TSBP1: variants seen among roughly 807,000 people sequenced by gnomAD.
TSBP1 encodes the protein testis expressed basic protein 1.
Under a neutral mutation model 68.8 loss-of-function variants are expected in TSBP1, and 56 were observed. The ratio of observed to expected loss-of-function variants is 0.81; its 90% CI spans 0.66 to 1.02. The LOEUF (loss-of-function observed/expected upper bound fraction) is 1.02. Ranked by LOEUF, TSBP1 falls within the 50% of genes least tolerant of loss-of-function variation. TSBP1 has a pLI of 0.00. For missense variants in TSBP1, 502 were observed against 641.2 expected, an observed-to-expected ratio of 0.78 and a Z score of 2.34; for synonymous variants, 171 against 208.7, an observed-to-expected ratio of 0.82 and a Z score of 1.56.
intron 4 of TSBP1, among the ~76,000 whole-genome samples, chr6:32,367,174 AGGTAGCTCTAGT>A (rs968149691): frequency 5.9e-5 from 9 of 151,696 alleles, no homozygotes; most frequent in African/African-American, 2.2e-4. Context: ...CAAGAATGAG[AGGTAGCTCTAGT>A]GGTTCTTGTT....
intron 22 of TSBP1, among the ~76,000 whole-genome samples, chr6:32,295,129 A>G (rs1286873945): frequency 6.6e-6 from 1 of 152,042 alleles, no homozygotes; most frequent in East Asian, 1.9e-4. Context: ...TGAGGTTGGG[A>G]GTTGGAGACC....
Position 32,323,633 on chromosome 6 carries a change from T to TC in TSBP1, c.515-20dup. ...GGACCAGCTGAAAAACAGAGAGGTA[T>TC]CTTAGCAACTGTTTTTTCTCCCATG... is the stretch of plus-strand genomic sequence containing the variant. On this transcript the variant is annotated intron_variant, in intron 16 of 22. Coordinates refer to ENST00000612031, the Ensembl canonical transcript of TSBP1. The TC allele has an allele frequency of 6.2e-7, 1 of 1,611,268 alleles. No homozygotes were observed. The highest frequency in any genetic ancestry group is 8.5e-7 in the Non-Finnish European group (1 of 1,178,604).
At position 32,343,097 on chromosome 6, in the gene TSBP1, G is replaced by A. The variant is rs1770565876; in HGVS notation, c.350-3459C>T. ...TGATCCAGTTAAGATGGCTAATGAAGGACAAGGTGGAGAATTATGAGTCTT... is the reference window on the plus strand; with the variant it reads ...TGATCCAGTTAAGATGGCTAATGAAAGACAAGGTGGAGAATTATGAGTCTT... On this transcript the variant is annotated intron_variant, in intron 9 of 22. Transcript: ENST00000612031. This position sits in a 1 kb window ranked among gnomAD's most constrained non-coding sequence, Gnocchi z 4.3. 1 of 443,088 alleles carries A rather than the reference G, an allele frequency of 2.3e-6. No individual in the cohort carries two copies. Among genetic ancestry groups the A allele is most frequent in the South Asian group, 1.1e-4 (1 of 9,162 alleles). The allele number at this position is 443,088 out of a possible 1,614,324, so 27.4% of individuals were successfully genotyped here. A position where few individuals can be genotyped will look rare whatever the true frequency, so the allele number is the denominator to read the frequency against.
exon 23 of TSBP1, chr6:32,293,688 C>A: frequency 6.2e-7 from 1 of 1,613,050 alleles, no homozygotes; most frequent in Non-Finnish European, 8.5e-7. Context: ...CTTGGTACAT[C>A]TGACACACTT....
chr6:32,367,720 A>T (rs1773915875), intron 4 of TSBP1, among the ~76,000 whole-genome samples: 1 of 152,166 alleles, frequency 6.6e-6, no homozygotes, highest in Admixed American at 6.5e-5. Flanking sequence ...AATTCTTTTG[A>T]TGGTCTTAAG....
exon 7 of TSBP1, chr6:32,355,655 C>T: frequency 1.3e-6 from 2 of 1,589,034 alleles, no homozygotes; most frequent in Non-Finnish European, 1.7e-6. Context: ...TTACTGTAAT[C>T]TCTTTTGGAT....
Position 32,302,730 on chromosome 6 carries a change from C to A in TSBP1, c.581-101G>T. On this transcript the variant is annotated intron_variant, in intron 19 of 22. Transcript: ENST00000612031. This position sits in a 1 kb window ranked among gnomAD's most constrained non-coding sequence, Gnocchi z 5.1. The stretch of plus-strand genomic sequence containing the variant: ...TCCCTAGTTGTTTTTTCTAGGGTAC[C>A]ATAAAGACTTCTAGCAGAATACAAT... The A allele has an allele frequency of 1.3e-6, 1 of 755,744 alleles. No homozygotes were observed. The highest frequency in any genetic ancestry group is 2.7e-5 in the East Asian group (1 of 37,240). The allele number at this position is 755,744 out of a possible 1,614,324, so 46.8% of individuals were successfully genotyped here.
intron 19 of TSBP1, among the ~76,000 whole-genome samples, chr6:32,311,117 T>G (rs929081270): frequency 6.6e-6 from 1 of 152,130 alleles, no homozygotes; most frequent in Non-Finnish European, 1.5e-5. Flanking sequence ...TCTCCTTCTT[T>G]CTCCCTGCTC....
In TSBP1 at chr6:32,302,351, A is replaced by G. The variant is rs889504590; in HGVS notation, c.601+258T>C. Among the ~76,000 whole-genome samples the G allele has an allele frequency of 8.5e-5, 13 of 152,132 alleles. No homozygotes were observed. Among genetic ancestry groups the G allele is most frequent in the African/African-American group, 3.1e-4 (13 of 41,438 alleles). On this transcript the variant is annotated intron_variant, in intron 20 of 22. Coordinates refer to ENST00000612031, the Ensembl canonical transcript of TSBP1. The surrounding 1 kb of genome is among the most constrained non-coding windows in gnomAD (Gnocchi z 5.1). ...ACATCTGTAGTCCCAGCTACTCAGG[A>G]GGCTGAGGCAGGAGAATTGCTTGAG...
chr6:32,368,749 A>C, intron 3 of TSBP1, 33 bp downstream of exon 3: 3 of 1,543,914 alleles, frequency 1.9e-6, no homozygotes, highest in African/African-American at 1.3e-5. Flanking sequence ...TATAAGTACT[A>C]TATTTATTTT....
chr6:32,370,854 A>AG, intron 1 of TSBP1, among the ~76,000 whole-genome samples: 1 of 69,008 alleles, frequency 1.4e-5, no homozygotes, highest in East Asian at 6.6e-4. Context: ...AAAAAAAAGA[A>AG]AAGAGAGAGA....
chr6:32,335,541 T>A lies in TSBP1; in HGVS notation c.452-84A>T. On this transcript the variant is annotated intron_variant, in intron 13 of 22. Transcript: ENST00000612031. This position sits in a 1 kb window ranked among gnomAD's most constrained non-coding sequence, Gnocchi z 5.5. ...ATTTATATACTTTAATTTGTATACT[T>A]TCCCTAGTAGGAATCTGCATCACTA... 1 of 1,020,048 alleles carries A rather than the reference T, an allele frequency of 9.8e-7. No homozygotes were observed. Among genetic ancestry groups the A allele is most frequent in the Admixed American group, 4.1e-5 (1 of 24,610 alleles). The allele number at this position is 1,020,048 out of a possible 1,614,324, so 63.2% of individuals were successfully genotyped here. A position where few individuals can be genotyped will look rare whatever the true frequency, so the allele number is the denominator to read the frequency against.
rs1322233161 is a variant in TSBP1 at position 32,314,657 on chromosome 6, C to T, written c.580+1115G>A. Reference sequence around the variant, plus strand: ...AGTTCCATTTCTCTTCACTCAAATACCAATGTCTTTGTCCTAACATTATTG... The same window carrying T: ...AGTTCCATTTCTCTTCACTCAAATATCAATGTCTTTGTCCTAACATTATTG... On this transcript the variant is annotated intron_variant, in intron 19 of 22. Transcript: ENST00000612031. This position sits in a 1 kb window ranked among gnomAD's most constrained non-coding sequence, Gnocchi z 4.2. Among the ~76,000 whole-genome samples, 1 of 152,142 alleles carries T rather than the reference C, an allele frequency of 6.6e-6. No individual in the cohort carries two copies. Among genetic ancestry groups the T allele is most frequent in the African/African-American group, 2.4e-5 (1 of 41,432 alleles).
At chr6:32,293,475 T>G (rs7775397) in exon 23 of TSBP1, 156,439 of 1,612,968 alleles carry the variant, frequency 0.097, 9,852 homozygotes, top group Non-Finnish European at 0.12. Flanking sequence ...GACTCCCTCT[T>G]CTTTACCTGG....
rs1772471694 is a variant in TSBP1, at chr6:32,357,416, T to G, written c.218-1747A>C. 6.6e-6 allele frequency among the ~76,000 whole-genome samples: 1 copy of G among 152,192 alleles called. No individual in the cohort carries two copies. The highest frequency in any genetic ancestry group is 1.5e-5 in the Non-Finnish European group (1 of 68,034). On this transcript the variant is annotated intron_variant, in intron 6 of 22. Coordinates refer to ENST00000612031, the Ensembl canonical transcript of TSBP1. The surrounding 1 kb of genome is among the most constrained non-coding windows in gnomAD (Gnocchi z 4.7). ...AGACAATTCTAAATTCCTATCCAGGTTGTCACTTCCAAGTCCTGTGGCCTT... is the reference window on the plus strand; with the variant it reads ...AGACAATTCTAAATTCCTATCCAGGGTGTCACTTCCAAGTCCTGTGGCCTT...
intron 16 of TSBP1, among the ~76,000 whole-genome samples, chr6:32,326,714 G>C (rs1016587926): frequency 2.6e-5 from 4 of 152,228 alleles, no homozygotes; most frequent in African/African-American, 9.6e-5. Context: ...TGCTGAAAGA[G>C]GAGCTAGTTT....
intron 9 of TSBP1, among the ~76,000 whole-genome samples, chr6:32,344,094 T>A (rs2395145): frequency 0.34 from 50,835 of 151,060 alleles, 9,638 homozygotes; most frequent in Middle Eastern, 0.52. Context: ...TAATTTAATT[T>A]ATTTATTTAT....
chr6:32,371,557 T>G, intron 1 of TSBP1, 137 bp downstream of exon 1: 5 of 726,180 alleles, frequency 6.9e-6, no homozygotes, highest in East Asian at 2.6e-5. Flanking sequence ...TCAATAAGAG[T>G]GAAAGAAAAA....
chr6:32,331,296 G>A (rs1432614738), intron 15 of TSBP1, among the ~76,000 whole-genome samples: 2 of 151,876 alleles, frequency 1.3e-5, no homozygotes, highest in South Asian at 2.1e-4. Flanking sequence ...TTCCAGATTC[G>A]ATTACACCTT....
Sources: gnomAD v4.1 joint callset for allele counts (sites outside exome capture counted in the v4.1 genomes callset) on GRCh38, gnomAD v4.1.1 for gene constraint, Gnocchi (gnomAD v3.1) non-coding constraint, MANE v1.5 for transcripts, NCBI Gene and HGNC (gene_info 2026-07-23, HGNC 2026-07-21) for gene names.